The following EZH2 variants were observed in gnomAD, a reference collection of about 807,000 sequenced individuals.
The protein encoded by EZH2 is histone-lysine N-methyltransferase EZH2.
In EZH2, 18 loss-of-function variants were observed where a neutral mutation model predicts 98.4. The ratio of observed to expected loss-of-function variants is 0.18; its 90% CI spans 0.13 to 0.27. EZH2 has a LOEUF of 0.27. Among genes scored for constraint, EZH2 ranks in the 10% least tolerant of loss-of-function variants. The probability of loss-of-function intolerance (pLI) is 1.00; values close to 1 mark genes in which losing one functional copy is unlikely to be tolerated. For missense variants in EZH2, 470 were observed against 935.1 expected (o/e 0.50, Z 6.49); for synonymous variants, 338 against 312.3 (o/e 1.08, Z -0.87).
intron 1 of EZH2, among the ~76,000 whole-genome samples, chr7:148,866,654 ATACGTATATGCATATATATG>A (rs796482861): frequency 1.0e-4 from 15 of 147,170 alleles, no homozygotes; most frequent in South Asian, 4.2e-4. Context: ...ATATACGTAT[ATACGTATATGCATATATATG>A]TACGTATATG....
chr7:148,867,568 G>A (rs1372505444), intron 1 of EZH2, among the ~76,000 whole-genome samples: 1 of 152,100 alleles, frequency 6.6e-6, no homozygotes, highest in African/African-American at 2.4e-5. Context: ...TTACCTTCCT[G>A]CTATTTCCAG....
chr7:148,866,704 G>GCATACATATATACATATATT (rs1818600490), intron 1 of EZH2, among the ~76,000 whole-genome samples: 2 of 142,010 alleles, frequency 1.4e-5, no homozygotes, highest in Non-Finnish European at 3.0e-5. Context: ...ATACATATAT[G>GCATACATATATACATATATT]CATATATATA....
chr7:148,824,314 CAAA>C (rs35218853), intron 8 of EZH2, among the ~76,000 whole-genome samples: 9 of 132,326 alleles, frequency 6.8e-5, no homozygotes, highest in South Asian at 2.5e-4. Context: ...GACTTCGTCT[CAAA>C]AAAAAAAAAA....
chr7:148,814,220 G>T, intron 14 of EZH2, 83 bp from the exon 15 acceptor site: 5 of 1,258,812 alleles, frequency 4.0e-6, no homozygotes, highest in Non-Finnish European at 5.6e-6. Context: ...GCTGTACTGG[G>T]CATCTCACTG....
rs956037526 is a variant in EZH2 at position 148,817,661 on chromosome 7, T to C, written c.1240+216A>G. ...CAAAGAATGAGAATAAAGTGCATCA[T>C]CAGCTTTCAAACAACCAAGCAGGGC... On this transcript the variant is annotated intron_variant, in intron 10 of 19. Transcript: ENST00000320356. 5.7e-6 allele frequency: 4 copies of C among 697,180 alleles called. No homozygotes were observed. In the African/African-American group the frequency reaches 7.2e-5, roughly 13 times the overall value. The allele number at this position is 697,180 out of a possible 1,614,324, so 43.2% of individuals were successfully genotyped here. A position where few individuals can be genotyped will look rare whatever the true frequency, so the allele number is the denominator to read the frequency against.
intron 8 of EZH2, among the ~76,000 whole-genome samples, chr7:148,825,584 G>T (rs546752726): frequency 6.6e-6 from 1 of 152,200 alleles, no homozygotes; most frequent in African/African-American, 2.4e-5. Flanking sequence ...TTAAAAAGAC[G>T]TTATCATTGG....
intron 1 of EZH2, among the ~76,000 whole-genome samples, chr7:148,869,740 T>A (rs927490725): frequency 2.0e-5 from 3 of 152,244 alleles, no homozygotes; most frequent in Admixed American, 2.0e-4. Context: ...TGCAGGCACA[T>A]ACATGGTAGA....
At chr7:148,858,545 GA>G (rs1232885981) in intron 1 of EZH2, among the ~76,000 whole-genome samples, 1 of 151,918 alleles carries the variant, frequency 6.6e-6, no homozygotes. Flanking sequence ...TTTTGGAAGG[GA>G]CAAGGTCTCA....
intron 4 of EZH2, among the ~76,000 whole-genome samples, chr7:148,832,250 CTT>C (rs898049729): frequency 1.3e-4 from 20 of 152,134 alleles, no homozygotes; most frequent in African/African-American, 4.6e-4. Context: ...ACCCAGCTAA[CTT>C]TTGTTTTGAG....
intron 3 of EZH2, among the ~76,000 whole-genome samples, chr7:148,838,828 G>A (rs1440202154): frequency 2.0e-5 from 3 of 152,058 alleles, no homozygotes; most frequent in Admixed American, 6.5e-5. Flanking sequence ...CAAGGTGGGC[G>A]GATCACTTGA....
chr7:148,878,443 T>C (rs187244871), intron 1 of EZH2, among the ~76,000 whole-genome samples: 166 of 152,382 alleles, frequency 1.1e-3, no homozygotes, highest in Middle Eastern at 0.01. Flanking sequence ...TGTATCAGAA[T>C]TTCACTCCTT....
At chr7:148,843,738 G>GGCGCCCGCTACC (rs1204782398) in intron 3 of EZH2, among the ~76,000 whole-genome samples, 1 of 151,638 alleles carries the variant, frequency 6.6e-6, no homozygotes, top group Admixed American at 6.6e-5. Context: ...TGGGACTACA[G>GGCGCCCGCTACC]GCGCCCGCTA....
intron 6 of EZH2, among the ~76,000 whole-genome samples, 165 bp from the exon 7 acceptor site, chr7:148,827,431 G>A (rs769703927): frequency 2.0e-5 from 3 of 152,154 alleles, no homozygotes; most frequent in Non-Finnish European, 2.9e-5. Context: ...TCTGTGGAAT[G>A]CCAGTCAGTC....
chr7:148,845,176 C>T (rs768779032), intron 3 of EZH2, among the ~76,000 whole-genome samples: 2 of 152,246 alleles, frequency 1.3e-5, no homozygotes, highest in Middle Eastern at 3.4e-3. Flanking sequence ...AGATTTATTC[C>T]TCCAGAGAGA....
chr7:148,828,092 T>G (rs188638272), intron 6 of EZH2, among the ~76,000 whole-genome samples: 10 of 152,338 alleles, frequency 6.6e-5, no homozygotes, highest in Admixed American at 1.3e-4. Context: ...TACTCTAGCC[T>G]GGGCGACAGA....
At chr7:148,859,982 T>C (rs1487473554) in intron 1 of EZH2, among the ~76,000 whole-genome samples, 1 of 152,140 alleles carries the variant, frequency 6.6e-6, no homozygotes, top group African/African-American at 2.4e-5. Flanking sequence ...CAAATAGCCA[T>C]TCTCTGTTAG....
At chr7:148,866,326 C>T (rs886651491) in intron 1 of EZH2, among the ~76,000 whole-genome samples, 1 of 151,660 alleles carries the variant, frequency 6.6e-6, no homozygotes, top group Non-Finnish European at 1.5e-5. Context: ...GGTGATTAGA[C>T]CACGACGGTT....
At chr7:148,873,448 T>A (rs1478476401) in intron 1 of EZH2, among the ~76,000 whole-genome samples, 12 of 133,900 alleles carry the variant, frequency 9.0e-5, no homozygotes, top group Admixed American at 5.1e-4. Flanking sequence ...GCCAAGATCC[T>A]GCCACTGCAC....
chr7:148,862,366 T>C (rs1163925230), intron 1 of EZH2, among the ~76,000 whole-genome samples: 2 of 152,214 alleles, frequency 1.3e-5, no homozygotes, highest in Admixed American at 1.3e-4. Flanking sequence ...GTTAAACCCA[T>C]TAATCTCATC....
Sources: gnomAD v4.1 joint callset for allele counts (sites outside exome capture counted in the v4.1 genomes callset) on GRCh38, gnomAD v4.1.1 for gene constraint, MANE v1.5 for transcripts, NCBI Gene and HGNC (gene_info 2026-07-23, HGNC 2026-07-21) for gene names.